TTLL1: variants seen among roughly 807,000 people sequenced by gnomAD.
The protein encoded by TTLL1 is TTL family tubulin polyglutamylase complex subunit L1, also known as polyglutamylase complex subunit TTLL1.
A neutral mutation model predicts 47.8 loss-of-function variants in TTLL1; 33 were observed. The observed-to-expected ratio is 0.69, with a 90% confidence interval of 0.52 to 0.92. The LOEUF is 0.92. Among genes scored for constraint, TTLL1 ranks in the 40% least tolerant of loss-of-function variants. The pLI is 0.00. For synonymous variants in TTLL1, 225 were observed against 214.1 expected (o/e 1.05, Z -0.45); for missense variants, 488 against 547.5 (o/e 0.89, Z 1.08).
chr22:43,076,328 C>T (rs1484014184), intron 2 of TTLL1, among the ~76,000 whole-genome samples: 2 of 152,114 alleles, frequency 1.3e-5, no homozygotes, highest in Non-Finnish European at 2.9e-5. Flanking sequence ...TGGTTGTGCG[C>T]ACCCGTAATC....
chr22:43,064,663 T>C (rs1267617438), intron 5 of TTLL1, among the ~76,000 whole-genome samples: 4 of 151,908 alleles, frequency 2.6e-5, no homozygotes, highest in Non-Finnish European at 5.9e-5. Context: ...GAGGTGGAGG[T>C]TGCAGTGAGC....
chr22:43,076,321 T>A (rs1928483816), intron 2 of TTLL1, among the ~76,000 whole-genome samples: 2 of 151,894 alleles, frequency 1.3e-5, no homozygotes, highest in African/African-American at 2.4e-5. Flanking sequence ...CCGGGTGTGG[T>A]TGTGCGCACC....
chr22:43,070,333 G>A lies in TTLL1; in HGVS notation c.114-489C>T, dbSNP rs180995644. ...TCTGCTGAAGGGGCAAGTTGGGGAC[G>A]ACAGAGTTGAAAGAGAAATAGATTC... On this transcript the variant is annotated intron_variant, in intron 3 of 10. Transcript: ENST00000266254. 308 of 594,308 alleles carry A rather than the reference G, an allele frequency of 5.2e-4. No homozygotes were observed. In the African/African-American group the frequency reaches 5.4e-3, roughly 10 times the overall value. The allele number at this position is 594,308 out of a possible 1,614,324, so 36.8% of individuals were successfully genotyped here.
At chr22:43,087,583 A>C (rs1345169457) in intron 1 of TTLL1, among the ~76,000 whole-genome samples, 1 of 151,758 alleles carries the variant, frequency 6.6e-6, no homozygotes, top group African/African-American at 2.4e-5. Context: ...CACGCCTGTA[A>C]TCCCAACACT....
chr22:43,059,152 G>A (rs187153100), intron 8 of TTLL1, among the ~76,000 whole-genome samples: 36 of 151,618 alleles, frequency 2.4e-4, no homozygotes, highest in African/African-American at 8.5e-4. Context: ...ACCATGCCCG[G>A]CTAATTTTTG....
At chr22:43,072,650 G>A (rs1282574542) in intron 3 of TTLL1, among the ~76,000 whole-genome samples, 1 of 151,744 alleles carries the variant, frequency 6.6e-6, no homozygotes, top group Non-Finnish European at 1.5e-5. Context: ...TTTTGTATTT[G>A]TTTGTAGAGA....
intron 4 of TTLL1, among the ~76,000 whole-genome samples, chr22:43,069,220 C>CAAAA (rs66913313): frequency 2.5e-5 from 2 of 80,400 alleles, no homozygotes; most frequent in South Asian, 4.1e-4. Flanking sequence ...ACTAAAAATA[C>CAAAA]AAAAAAAAAA....
chr22:43,083,356 G>A (rs780265620), intron 1 of TTLL1, among the ~76,000 whole-genome samples: 2 of 151,856 alleles, frequency 1.3e-5, no homozygotes, highest in Non-Finnish European at 2.9e-5. Context: ...GCGACAGAGC[G>A]AGACTTAGTC....
chr22:43,077,715 C>T (rs1281720534), intron 2 of TTLL1, among the ~76,000 whole-genome samples: 1 of 152,160 alleles, frequency 6.6e-6, no homozygotes, highest in Non-Finnish European at 1.5e-5. Context: ...AGGCTCCCAC[C>T]CCGGCTCCAA....
Position 43,046,536 on chromosome 22 carries a change from T to C in TTLL1, c.1016A>G (p.Asn339Ser), listed in dbSNP as rs201526390. The change falls in exon 10 of 11, where the codon AAT becomes AGT. Residue 339 changes from asparagine to serine, a missense_variant. Transcript: ENST00000266254. ...ASPSLTSSTA[N>S]DRILKYNLIN... is the part of the protein sequence containing the mutation. ...CAGGTTGTACTTGAGGATTCGGTCA[T>C]TGGCAGTGCTGGACGTGAGAGACGG... is the stretch of plus-strand genomic sequence containing the variant. 3.3e-5 allele frequency: 53 copies of C among 1,614,172 alleles called. 1 individual carries two copies. Among genetic ancestry groups the C allele is most frequent in the Admixed American group, 1.3e-4 (8 of 59,996 alleles).
At chr22:43,042,011 G>T (rs921121010) in intron 10 of TTLL1, among the ~76,000 whole-genome samples, 2 of 152,120 alleles carry the variant, frequency 1.3e-5, no homozygotes, top group African/African-American at 4.8e-5. Flanking sequence ...GGGTGGGGGG[G>T]GTCCTCCAGG....
chr22:43,046,290 T>C (rs1926120255), intron 10 of TTLL1, 120 bp downstream of exon 10: 1 of 1,078,714 alleles, frequency 9.3e-7, no homozygotes, highest in African/African-American at 1.6e-5. Context: ...ATGTCATTAG[T>C]AAATGAAACA....
intron 2 of TTLL1, among the ~76,000 whole-genome samples, chr22:43,076,785 A>T (rs1410394382): frequency 6.7e-6 from 1 of 148,202 alleles, no homozygotes; most frequent in Non-Finnish European, 1.5e-5. Flanking sequence ...CAAATAAAAT[A>T]AAAATAAAAT....
At chr22:43,055,981 G>C (rs1422355491) in intron 8 of TTLL1, among the ~76,000 whole-genome samples, 1 of 151,962 alleles carries the variant, frequency 6.6e-6, no homozygotes, top group Non-Finnish European at 1.5e-5. Flanking sequence ...CTGGGTTCAA[G>C]CTATCCTCCT....
Position 43,059,421 on chromosome 22 carries a change from ATC to A in TTLL1, c.852_853del (p.Glu284AspfsTer19). The A allele has an allele frequency of 6.2e-7, 1 of 1,613,948 alleles. No individual in the cohort carries two copies. The highest frequency in any genetic ancestry group is 1.1e-5 in the South Asian group (1 of 91,062). The stretch of plus-strand genomic sequence containing the variant: ...CAGGGACTGCACGATGATCCAGTGG[ATC>A]TCGTCGAACAGCTTGCTGGTCACCT... On this transcript the variant is annotated frameshift_variant, in exon 8 of 11. Coordinates refer to ENST00000266254, the MANE Select transcript of TTLL1 (RefSeq NM_012263.5). LOFTEE classifies it high-confidence loss of function.
intron 2 of TTLL1, among the ~76,000 whole-genome samples, chr22:43,078,090 G>C (rs1419209832): frequency 4.0e-5 from 6 of 151,842 alleles, no homozygotes; most frequent in Non-Finnish European, 8.8e-5. Context: ...CTGGGGGACA[G>C]AGTGAGACCC....
chr22:43,047,590 T>C (rs1034296503), intron 9 of TTLL1, among the ~76,000 whole-genome samples: 6 of 152,126 alleles, frequency 3.9e-5, no homozygotes, highest in African/African-American at 1.4e-4. Context: ...TGCCTCAGCC[T>C]CCTGGGTAGC....
intron 9 of TTLL1, 99 bp from the exon 10 acceptor site, chr22:43,046,672 G>A: frequency 7.1e-7 from 1 of 1,417,842 alleles, no homozygotes; most frequent in South Asian, 1.3e-5. Context: ...ACACACTTTA[G>A]TGAAGTTTTT....
chr22:43,086,219 G>A lies in TTLL1; in HGVS notation c.-90+3058C>T, dbSNP rs74411704. Reference sequence around the variant, plus strand: ...GTGAATTGATGCATCTGAATCTTACGTCACTTTCTAAACTGAGCATCATAA... The same window carrying A: ...GTGAATTGATGCATCTGAATCTTACATCACTTTCTAAACTGAGCATCATAA... On this transcript the variant is annotated intron_variant, in intron 1 of 10. Transcript: ENST00000266254. Among the ~76,000 whole-genome samples the A allele has an allele frequency of 5.1e-3, 772 of 152,214 alleles. 3 individuals are homozygous for A. The highest frequency in any genetic ancestry group is 0.017 in the Middle Eastern group (5 of 294).
Sources: gnomAD v4.1 joint callset for allele counts (sites outside exome capture counted in the v4.1 genomes callset) on GRCh38, gnomAD v4.1.1 for gene constraint, MANE v1.5 for transcripts, NCBI Gene and HGNC (gene_info 2026-07-23, HGNC 2026-07-21) for gene names.